RASGRF2: variants seen among roughly 807,000 people sequenced by gnomAD.
RASGRF2 encodes the protein ras-specific guanine nucleotide-releasing factor 2.
A neutral mutation model predicts 151.0 loss-of-function variants in RASGRF2; 76 were observed. That is an observed-to-expected ratio of 0.50 (90% confidence interval 0.42 to 0.61). The LOEUF is 0.61. RASGRF2 is among the 20% of genes least tolerant of loss of function. The probability of loss-of-function intolerance (pLI) is 0.00; values close to 1 mark genes in which losing one functional copy is unlikely to be tolerated. For missense variants in RASGRF2, 1,148 were observed against 1,564.6 expected (o/e 0.73, Z 4.49); for synonymous variants, 504 against 566.5 (o/e 0.89, Z 1.57).
At position 81,051,663 on chromosome 5, in the gene RASGRF2, C is replaced by CT. The variant is rs766262113; in HGVS notation, c.395+8684dup. ...GGTAGCATATATTAGTACTTCATTC[C>CT]TTTTAATGGCTGAATTCTATTCCAC... On this transcript the variant is annotated intron_variant, in intron 2 of 26. Coordinates refer to ENST00000265080, the MANE Select transcript of RASGRF2 (RefSeq NM_006909.3). 6.6e-5 allele frequency among the ~76,000 whole-genome samples: 10 copies of CT among 152,286 alleles called. No homozygotes were observed. In the South Asian group the frequency reaches 1.9e-3, roughly 28 times the overall value.
intron 1 of RASGRF2, among the ~76,000 whole-genome samples, chr5:80,999,523 A>G (rs1204783110): frequency 6.6e-6 from 1 of 151,500 alleles, no homozygotes; most frequent in Non-Finnish European, 1.5e-5. Flanking sequence ...ATTTTTATTT[A>G]TTTATTTATT....
At chr5:81,214,054 C>T (rs1755681750) in intron 23 of RASGRF2, among the ~76,000 whole-genome samples, 1 of 152,168 alleles carries the variant, frequency 6.6e-6, no homozygotes, top group African/African-American at 2.4e-5. Context: ...ATTTCACCAG[C>T]TTTCTAGGGA....
At position 80,967,495 on chromosome 5, in the gene RASGRF2, A is replaced by T. The variant is rs1369533844; in HGVS notation, c.288+6469A>T. On this transcript the variant is annotated intron_variant, in intron 1 of 26. Coordinates refer to ENST00000265080, the MANE Select transcript of RASGRF2 (RefSeq NM_006909.3). ...ACAATATCTGTTTTTAGCTCTTATG[A>T]TACTTACCAGTATGACATTGTGAAG... Among the ~76,000 whole-genome samples, 6 of 152,212 alleles carry T rather than the reference A, an allele frequency of 3.9e-5. No individual in the cohort carries two copies. In the South Asian group the frequency reaches 1.0e-3, roughly 26 times the overall value.
At chr5:81,144,179 A>C (rs1753951160) in intron 17 of RASGRF2, among the ~76,000 whole-genome samples, 1 of 152,234 alleles carries the variant, frequency 6.6e-6, no homozygotes, top group Non-Finnish European at 1.5e-5. Flanking sequence ...GCTTTTAGTT[A>C]AAAAAATTTT....
chr5:81,165,483 C>T (rs544421495), intron 17 of RASGRF2, among the ~76,000 whole-genome samples: 33 of 152,314 alleles, frequency 2.2e-4, no homozygotes, highest in African/African-American at 7.5e-4. Context: ...AAGCGAGGCC[C>T]GATTCTTTTC....
In RASGRF2 at chr5:80,995,172, C is replaced by T. The variant is rs905020077; in HGVS notation, c.288+34146C>T. ...TTAGGAGGCTGAGGCAGGAGAATGG[C>T]GTAAACCTGGGAGGCGGAGTTTGCA... On this transcript the variant is annotated intron_variant, in intron 1 of 26. Coordinates refer to ENST00000265080, the MANE Select transcript of RASGRF2 (RefSeq NM_006909.3). 2.1e-4 allele frequency among the ~76,000 whole-genome samples: 31 copies of T among 149,250 alleles called. 1 individual carries two copies. The highest frequency in any genetic ancestry group is 8.9e-4 in the Admixed American group (13 of 14,658).
intron 12 of RASGRF2, among the ~76,000 whole-genome samples, chr5:81,095,720 T>C (rs898539291): frequency 6.6e-6 from 1 of 152,136 alleles, no homozygotes; most frequent in Non-Finnish European, 1.5e-5. Flanking sequence ...CTGGGGCACA[T>C]GAAAAAGGTA....
chr5:81,223,856 T>C (rs1269636930), intron 26 of RASGRF2, among the ~76,000 whole-genome samples: 1 of 152,076 alleles, frequency 6.6e-6, no homozygotes, highest in Non-Finnish European at 1.5e-5. Context: ...TCCAGATGAG[T>C]TCATTACCTA....
chr5:81,140,270 A>G (rs1174101385), intron 17 of RASGRF2, among the ~76,000 whole-genome samples: 6 of 152,114 alleles, frequency 3.9e-5, no homozygotes, highest in Non-Finnish European at 8.8e-5. Flanking sequence ...GATTCAGGAC[A>G]CCTTTTTGTT....
chr5:81,017,120 C>T (rs1007393180), intron 1 of RASGRF2, among the ~76,000 whole-genome samples: 5 of 152,150 alleles, frequency 3.3e-5, no homozygotes, highest in South Asian at 2.1e-4. Flanking sequence ...CTGAAATTAC[C>T]CAGTTTCACA....
chr5:81,064,986 G>C (rs1426183494), intron 2 of RASGRF2, among the ~76,000 whole-genome samples: 1 of 152,162 alleles, frequency 6.6e-6, no homozygotes, highest in African/African-American at 2.4e-5. Context: ...GGTGAGAAAT[G>C]TTCTCCCACT....
intron 13 of RASGRF2, among the ~76,000 whole-genome samples, chr5:81,110,546 T>C (rs1752965727): frequency 1.3e-5 from 2 of 152,224 alleles, no homozygotes; most frequent in Admixed American, 1.3e-4. Context: ...ATAAGCTAAT[T>C]ATAGTCAAAA....
In RASGRF2 at chr5:80,960,571, C is replaced by T. The variant is rs1747509588; in HGVS notation, c.-168C>T. ...AGCCCGCGCCCCTGCCACCGCGCGC[C>T]GCGGCCTCCCGAAAGCGGGCGGGGT... On this transcript the variant is annotated 5_prime_UTR_variant, in exon 1 of 27. Coordinates refer to ENST00000265080, the MANE Select transcript of RASGRF2 (RefSeq NM_006909.3). This position sits in a 1 kb window ranked among gnomAD's most constrained non-coding sequence, Gnocchi z 5.5. 5.5e-6 allele frequency: 3 copies of T among 545,666 alleles called. No homozygotes were observed. The highest frequency in any genetic ancestry group is 2.0e-5 in the African/African-American group (1 of 50,398). 33.8% of individuals were successfully genotyped at this position (545,666 alleles called of 1,614,324 possible). A position where few individuals can be genotyped will look rare whatever the true frequency, so the allele number is the denominator to read the frequency against.
chr5:81,018,863 C>T (rs749428261), intron 1 of RASGRF2, among the ~76,000 whole-genome samples: 7 of 149,136 alleles, frequency 4.7e-5, no homozygotes, highest in Admixed American at 2.7e-4. Flanking sequence ...AGCACAGTGG[C>T]GCAATCTCGG....
intron 1 of RASGRF2, among the ~76,000 whole-genome samples, chr5:81,009,227 A>G (rs1410438799): frequency 6.6e-6 from 1 of 152,244 alleles, no homozygotes. Context: ...AATGCCTGCC[A>G]TATATTAAGC....
At chr5:81,083,685 G>A (rs1752149696) in intron 7 of RASGRF2, among the ~76,000 whole-genome samples, 1 of 152,172 alleles carries the variant, frequency 6.6e-6, no homozygotes, top group Admixed American at 6.5e-5. Flanking sequence ...GGCTGGTACT[G>A]TTTAAATTGG....
chr5:81,206,285 A>G (rs1485586186), intron 19 of RASGRF2, among the ~76,000 whole-genome samples: 1 of 152,224 alleles, frequency 6.6e-6, no homozygotes, highest in African/African-American at 2.4e-5. Context: ...GTCTGAGGAA[A>G]GTCCATCTGG....
At position 80,981,725 on chromosome 5, in the gene RASGRF2, G is replaced by A. The variant is rs745421573; in HGVS notation, c.288+20699G>A. On this transcript the variant is annotated intron_variant, in intron 1 of 26. Coordinates refer to ENST00000265080, the MANE Select transcript of RASGRF2 (RefSeq NM_006909.3). Reference sequence around the variant, plus strand: ...GGATTACAGGCCTGCACCATCACACGTGGCTAATTTTTGTACTTTTAGTAG... The same window carrying A: ...GGATTACAGGCCTGCACCATCACACATGGCTAATTTTTGTACTTTTAGTAG... Among the ~76,000 whole-genome samples the A allele has an allele frequency of 3.9e-5, 6 of 152,150 alleles. No individual in the cohort carries two copies. The South Asian group carries it at 8.3e-4, about 21-fold the overall frequency.
intron 1 of RASGRF2, among the ~76,000 whole-genome samples, chr5:80,979,869 G>C (rs1051484837): frequency 6.6e-6 from 1 of 152,160 alleles, no homozygotes; most frequent in Non-Finnish European, 1.5e-5. Flanking sequence ...TGCTTGGAAA[G>C]ATGGCCGATG....
Sources: allele counts gnomAD v4.1 joint callset (sites outside exome capture counted in the v4.1 genomes callset), GRCh38; gene constraint gnomAD v4.1.1; non-coding constraint Gnocchi (gnomAD v3.1); transcripts MANE v1.5; gene names NCBI Gene and HGNC (gene_info 2026-07-23, HGNC 2026-07-21).